The following PTK2B variants were observed in gnomAD, a reference collection of about 807,000 sequenced individuals.
PTK2B encodes protein-tyrosine kinase 2-beta.
In PTK2B, 71 loss-of-function variants were observed where a neutral mutation model predicts 142.9. That is an observed-to-expected ratio of 0.50 (90% CI 0.41 to 0.61). The LOEUF (loss-of-function observed/expected upper bound fraction) is 0.61, where lower values mean the gene tolerates loss of function less well. Among genes scored for constraint, PTK2B ranks in the 20% least tolerant of loss-of-function variants. The pLI, the probability that PTK2B is intolerant of heterozygous loss-of-function variation, is 0.00. For missense variants in PTK2B, 1,105 were observed against 1,320.4 expected, an observed-to-expected ratio of 0.84 and a Z score of 2.53; for synonymous variants, 519 against 503.4, an observed-to-expected ratio of 1.03 and a Z score of -0.42.
intron 1 of PTK2B, among the ~76,000 whole-genome samples, chr8:27,339,743 C>G (rs1417965702): frequency 6.6e-6 from 1 of 152,178 alleles, no homozygotes; most frequent in African/African-American, 2.4e-5. Flanking sequence ...GGGTCAGGGA[C>G]AGTACACAGC....
chr8:27,438,964 A>G (rs574026561), intron 18 of PTK2B, 67 bp from the exon 19 acceptor site: 1 of 1,396,234 alleles, frequency 7.2e-7, no homozygotes, highest in Non-Finnish European at 1.0e-6. Flanking sequence ...CTGTCTGTCC[A>G]TCTCTCTGTT....
At chr8:27,423,312 C>T (rs1385219673) in intron 5 of PTK2B, among the ~76,000 whole-genome samples, 2 of 152,174 alleles carry the variant, frequency 1.3e-5, no homozygotes, top group East Asian at 1.9e-4. Context: ...GTTTCACCAT[C>T]CCCTGCCTTT....
chr8:27,417,579 A>G (rs1003773576), intron 2 of PTK2B, among the ~76,000 whole-genome samples: 1 of 152,212 alleles, frequency 6.6e-6, no homozygotes, highest in Admixed American at 6.5e-5. Context: ...ATTTTAATGT[A>G]TAGAAATTTT....
chr8:27,440,748 T>G (rs1395930270), intron 21 of PTK2B, among the ~76,000 whole-genome samples: 2 of 152,204 alleles, frequency 1.3e-5, no homozygotes, highest in Non-Finnish European at 2.9e-5. Flanking sequence ...CCTGTGCTCT[T>G]TGTGATGTTG....
At chr8:27,439,641 C>T (rs900035799) in intron 20 of PTK2B, among the ~76,000 whole-genome samples, 2 of 152,092 alleles carry the variant, frequency 1.3e-5, no homozygotes, top group African/African-American at 4.8e-5. Flanking sequence ...GCTCTTGTGA[C>T]ATGTGTGCTC....
At chr8:27,445,946 T>G in intron 24 of PTK2B, 27 bp downstream of exon 24, 3 of 1,611,466 alleles carry the variant, frequency 1.9e-6, no homozygotes, top group Non-Finnish European at 2.5e-6. Context: ...TGCTGGTCCC[T>G]GCCCGGACTG....
Position 27,332,282 on chromosome 8 carries a change from A to G in PTK2B, c.-38+6601A>G, listed in dbSNP as rs534539508. 2.6e-5 allele frequency among the ~76,000 whole-genome samples: 4 copies of G among 152,312 alleles called. No homozygotes were observed. In the East Asian group the frequency reaches 7.7e-4, roughly 29 times the overall value. On this transcript the variant is annotated intron_variant, in intron 1 of 30. Coordinates refer to ENST00000346049, the MANE Select transcript of PTK2B (RefSeq NM_173176.3). ...TTCCTCTTCAAGCCTTCCTTTTCTCATTTGAAGATGAAGAATTGGTACTGC... is the reference window on the plus strand; with the variant it reads ...TTCCTCTTCAAGCCTTCCTTTTCTCGTTTGAAGATGAAGAATTGGTACTGC...
At chr8:27,456,580 C>T (rs751596528) in intron 30 of PTK2B, among the ~76,000 whole-genome samples, 1 of 152,148 alleles carries the variant, frequency 6.6e-6, no homozygotes, top group Non-Finnish European at 1.5e-5. Flanking sequence ...AATTAAGAAC[C>T]CTACAGCGGT....
At chr8:27,342,529 G>T (rs1361925237) in intron 1 of PTK2B, among the ~76,000 whole-genome samples, 1 of 152,094 alleles carries the variant, frequency 6.6e-6, no homozygotes, top group Admixed American at 6.5e-5. Flanking sequence ...CTGACGACTT[G>T]GTTGGCTTCC....
At chr8:27,371,677 A>G (rs1449627203) in intron 1 of PTK2B, among the ~76,000 whole-genome samples, 2 of 151,994 alleles carry the variant, frequency 1.3e-5, no homozygotes, top group Non-Finnish European at 2.9e-5. Context: ...CATCCCAAGT[A>G]GCTGGTATTA....
rs117782670 is a variant in PTK2B at position 27,363,254 on chromosome 8, C to T, written c.-37-34294C>T. On this transcript the variant is annotated intron_variant, in intron 1 of 30. Coordinates refer to ENST00000346049, the MANE Select transcript of PTK2B (RefSeq NM_173176.3). This position sits in a 1 kb window ranked among gnomAD's most constrained non-coding sequence, Gnocchi z 4.3. ...GAGAGGGGAGCCAGAGAGGACGTCT[C>T]GTGAGAAGTGTTTGGAGGAACTGAG... Among the ~76,000 whole-genome samples, 691 of 152,128 alleles carry T rather than the reference C, an allele frequency of 4.5e-3. 7 individuals are homozygous for T. Among genetic ancestry groups the T allele is most frequent in the East Asian group, 0.037 (190 of 5,150 alleles).
At chr8:27,356,549 A>G (rs1004000134) in intron 1 of PTK2B, among the ~76,000 whole-genome samples, 3 of 152,234 alleles carry the variant, frequency 2.0e-5, no homozygotes, top group African/African-American at 7.2e-5. Flanking sequence ...AAGCCAGTGA[A>G]TTCATGGAAT....
At chr8:27,417,372 GAACA>G in intron 2 of PTK2B, among the ~76,000 whole-genome samples, 1 of 152,132 alleles carries the variant, frequency 6.6e-6, no homozygotes, top group African/African-American at 2.4e-5. Context: ...CGAAGTTCTA[GAACA>G]GGCAAAACCA....
rs1470831056 is a variant in PTK2B at position 27,458,499 on chromosome 8, C to T, written c.3020C>T (p.Pro1007Leu). 6.4e-7 allele frequency: 1 copy of T among 1,572,822 alleles called. No individual in the cohort carries two copies. The highest frequency in any genetic ancestry group is 8.6e-7 in the Non-Finnish European group (1 of 1,159,766). Residue 1007 changes from proline (P) to leucine (L), a missense_variant, in exon 31 of 31, where the codon CCT (proline) becomes CTT (leucine). Coordinates refer to ENST00000346049, the MANE Select transcript of PTK2B (RefSeq NM_173176.3). ...AKVLANLAHP[P>L]AE ...GTTCTGGCCAATCTGGCCCACCCACCTGCAGAGTGACGGAGGGTGGGGGCC... is the reference window on the plus strand; with the variant it reads ...GTTCTGGCCAATCTGGCCCACCCACTTGCAGAGTGACGGAGGGTGGGGGCC...
At chr8:27,372,360 AC>A (rs1297806923) in intron 1 of PTK2B, among the ~76,000 whole-genome samples, 2 of 152,202 alleles carry the variant, frequency 1.3e-5, no homozygotes, top group African/African-American at 4.8e-5. Context: ...CAGGCTCAAG[AC>A]CCAGGAAGAG....
chr8:27,379,712 T>A (rs1009783984), intron 1 of PTK2B, among the ~76,000 whole-genome samples: 1 of 152,098 alleles, frequency 6.6e-6, no homozygotes, highest in African/African-American at 2.4e-5. Context: ...TACGAGTGAG[T>A]CTCTCCATCC....
intron 1 of PTK2B, among the ~76,000 whole-genome samples, chr8:27,343,069 A>G (rs879329986): frequency 9.9e-5 from 15 of 152,004 alleles, no homozygotes; most frequent in Non-Finnish European, 2.2e-4. Context: ...AAATAATTTG[A>G]TTACTGATCT....
intron 1 of PTK2B, among the ~76,000 whole-genome samples, chr8:27,366,878 G>C (rs1425097864): frequency 1.3e-5 from 2 of 152,022 alleles, no homozygotes; most frequent in Non-Finnish European, 2.9e-5. Context: ...GTGGGGGAGG[G>C]AGGAGCTGCA....
intron 4 of PTK2B, among the ~76,000 whole-genome samples, chr8:27,421,547 T>C (rs1809755015): frequency 6.6e-6 from 1 of 152,228 alleles, no homozygotes; most frequent in African/African-American, 2.4e-5. Context: ...AGTGAGAACA[T>C]ACAATGTTGG....
Sources: gnomAD v4.1 joint callset for allele counts (sites outside exome capture counted in the v4.1 genomes callset) on GRCh38, gnomAD v4.1.1 for gene constraint, Gnocchi (gnomAD v3.1) non-coding constraint, MANE v1.5 for transcripts, NCBI Gene and HGNC (gene_info 2026-07-23, HGNC 2026-07-21) for gene names.